The following SLC2A9 variants were observed in gnomAD, a reference collection of about 807,000 sequenced individuals.
SLC2A9 encodes solute carrier family 2, facilitated glucose transporter member 9.
Under a neutral mutation model 50.6 loss-of-function variants are expected in SLC2A9, and 39 were observed. That is an observed-to-expected ratio of 0.77 (90% CI 0.60 to 1.01). The LOEUF is 1.01. Among genes scored for constraint, SLC2A9 ranks in the 50% least tolerant of loss-of-function variants. SLC2A9 has a pLI of 0.00. For synonymous variants in SLC2A9, 324 were observed against 276.9 expected, an observed-to-expected ratio of 1.17 and a Z score of -1.69; for missense variants, 686 against 677.6, an observed-to-expected ratio of 1.01 and a Z score of -0.14.
At chr4:9,858,119 G>T (rs1359891965) in intron 10 of SLC2A9, among the ~76,000 whole-genome samples, 1 of 152,192 alleles carries the variant, frequency 6.6e-6, no homozygotes, top group Non-Finnish European at 1.5e-5. Flanking sequence ...TGGGGAGAAA[G>T]AACATACTGA....
chr4:9,910,427 C>T (rs1643868911), intron 7 of SLC2A9, among the ~76,000 whole-genome samples: 1 of 152,226 alleles, frequency 6.6e-6, no homozygotes, highest in Non-Finnish European at 1.5e-5. Context: ...TAACTATGAT[C>T]CCCAGTGCAC....
intron 1 of SLC2A9, among the ~76,000 whole-genome samples, chr4:10,020,569 T>G (rs1256814835): frequency 6.6e-6 from 1 of 152,186 alleles, no homozygotes; most frequent in African/African-American, 2.4e-5. Flanking sequence ...TGGGGATCCC[T>G]GATGGAACAG....
chr4:9,839,745 A>G (rs1456093922), intron 10 of SLC2A9, among the ~76,000 whole-genome samples: 1 of 152,118 alleles, frequency 6.6e-6, no homozygotes, highest in Non-Finnish European at 1.5e-5. Flanking sequence ...CAAATATTAC[A>G]TTTTCTCACT....
chr4:9,995,581 C>T (rs565994485), intron 3 of SLC2A9: 2 of 152,288 alleles, frequency 1.3e-5, no homozygotes, highest in East Asian at 3.9e-4. Context: ...TAAATCTCCT[C>T]TTCAACTCAC....
intron 6 of SLC2A9, among the ~76,000 whole-genome samples, chr4:9,938,251 G>A (rs1458821210): frequency 6.6e-6 from 1 of 150,676 alleles, no homozygotes; most frequent in Non-Finnish European, 1.5e-5. Context: ...TCCAACCCAT[G>A]GATTAATGAT....
At chr4:9,864,759 A>G (rs1166941684) in intron 10 of SLC2A9, among the ~76,000 whole-genome samples, 1 of 152,246 alleles carries the variant, frequency 6.6e-6, no homozygotes. Flanking sequence ...TTGTATACTT[A>G]GAGCATAAAG....
chr4:9,882,336 C>T (rs1341018214), intron 10 of SLC2A9, among the ~76,000 whole-genome samples: 1 of 152,052 alleles, frequency 6.6e-6, no homozygotes, highest in East Asian at 1.9e-4. Context: ...GGGCATAATT[C>T]CACTCAATCT....
intron 8 of SLC2A9, among the ~76,000 whole-genome samples, chr4:9,904,118 A>G (rs995305745): frequency 1.3e-5 from 2 of 152,072 alleles, no homozygotes; most frequent in South Asian, 4.1e-4. Flanking sequence ...TTTTGTTTCC[A>G]TAATTCTGTC....
chr4:9,966,581 G>C (rs950014220), intron 5 of SLC2A9, among the ~76,000 whole-genome samples: 8 of 141,902 alleles, frequency 5.6e-5, no homozygotes, highest in African/African-American at 2.0e-4. Context: ...GCTAGAACCT[G>C]GGAGGCGGGG....
At chr4:9,951,411 AG>A (rs1414015842) in intron 5 of SLC2A9, among the ~76,000 whole-genome samples, 2 of 152,198 alleles carry the variant, frequency 1.3e-5, no homozygotes, top group African/African-American at 4.8e-5. Context: ...GTTTGATAGC[AG>A]GGTAGGATAA....
downstream of SLC2A9, among the ~76,000 whole-genome samples, chr4:9,776,029 T>C (rs1201830024): frequency 6.6e-5 from 10 of 151,964 alleles, no homozygotes; most frequent in Admixed American, 6.5e-4. Context: ...CTATTGGCCA[T>C]AATCTCGCTC....
intron 6 of SLC2A9, among the ~76,000 whole-genome samples, chr4:9,931,948 CTCTCTCTCTCTCTCTA>C (rs1184874825): frequency 8.2e-5 from 5 of 60,710 alleles, no homozygotes; most frequent in East Asian, 4.8e-4. Flanking sequence ...CTCTCTCTCT[CTCTCTCTCTCTCTCTA>C]TATATATATA....
chr4:9,874,728 G>A (rs1229888990), intron 10 of SLC2A9, among the ~76,000 whole-genome samples: 4 of 152,204 alleles, frequency 2.6e-5, no homozygotes, highest in Non-Finnish European at 4.4e-5. Context: ...TCCCCACATC[G>A]GCACCCATGT....
rs536834763 is a variant in SLC2A9 at position 9,849,014 on chromosome 4, T to A, written c.1292-14006A>T. On this transcript the variant is annotated intron_variant, in intron 10 of 11. Coordinates refer to ENST00000264784, the MANE Select transcript of SLC2A9 (RefSeq NM_020041.3). The stretch of plus-strand genomic sequence containing the variant: ...ACCGTGCCTGGCCAGAAATTCTTTA[T>A]GCAGTTGAGGAGATGGAGGGCTAAC... Among the ~76,000 whole-genome samples, 6 of 152,304 alleles carry A rather than the reference T, an allele frequency of 3.9e-5. No individual in the cohort carries two copies. The South Asian group carries it at 1.2e-3, about 32-fold the overall frequency.
chr4:9,960,818 G>T (rs185760724), intron 5 of SLC2A9, among the ~76,000 whole-genome samples: 16 of 152,262 alleles, frequency 1.1e-4, no homozygotes, highest in Admixed American at 6.5e-4. Context: ...AGGGAAATGG[G>T]GGCAGTTGAA....
chr4:9,944,141 G>A (rs1212413736), intron 5 of SLC2A9, among the ~76,000 whole-genome samples: 2 of 152,210 alleles, frequency 1.3e-5, no homozygotes, highest in African/African-American at 4.8e-5. Flanking sequence ...ATCCACCCAG[G>A]CTCATTGGGG....
intron 5 of SLC2A9, among the ~76,000 whole-genome samples, chr4:9,957,158 A>C (rs1751454675): frequency 6.6e-6 from 1 of 151,972 alleles, no homozygotes; most frequent in South Asian, 2.1e-4. Context: ...CAATCAATGG[A>C]ACCACAGTCA....
chr4:9,825,105 C>T (rs117535295), downstream of SLC2A9, among the ~76,000 whole-genome samples: 6 of 152,340 alleles, frequency 3.9e-5, no homozygotes, highest in African/African-American at 7.2e-5. Flanking sequence ...TCTGGCCCCA[C>T]TCCTATGAGA....
intron 10 of SLC2A9, 62 bp downstream of exon 10, chr4:9,887,505 C>T (rs1251059518): frequency 6.7e-7 from 1 of 1,485,928 alleles, no homozygotes; most frequent in African/African-American, 1.4e-5. Flanking sequence ...TGAGGAGAGC[C>T]CCCCAGCTTG....
Sources: allele counts gnomAD v4.1 joint callset (sites outside exome capture counted in the v4.1 genomes callset), GRCh38; gene constraint gnomAD v4.1.1; transcripts MANE v1.5; gene names NCBI Gene and HGNC (gene_info 2026-07-23, HGNC 2026-07-21).